Variants in BBS7 observed in about 807,000 individuals in gnomAD.
BBS7 encodes the protein Bardet-Biedl syndrome 7.
A neutral mutation model predicts 90.3 loss-of-function variants in BBS7; 50 were observed. The observed-to-expected ratio is 0.55, with a 90% CI of 0.44 to 0.70. The LOEUF (loss-of-function observed/expected upper bound fraction) is 0.70. BBS7 is among the 30% of genes least tolerant of loss of function. The pLI is 0.00. For missense variants in BBS7, 729 were observed against 838.9 expected, an observed-to-expected ratio of 0.87 and a Z score of 1.62; for synonymous variants, 235 against 287.4, an observed-to-expected ratio of 0.82 and a Z score of 1.85.
chr4:121,837,374 G>A (rs183539571), intron 13 of BBS7, among the ~76,000 whole-genome samples: 164 of 152,056 alleles, frequency 1.1e-3, no homozygotes, highest in African/African-American at 2.7e-3. Flanking sequence ...ACCTATTATC[G>A]GTTAGACAAT....
intron 11 of BBS7, 132 bp downstream of exon 11, chr4:121,845,372 A>AAATAAC: frequency 2.0e-6 from 1 of 494,632 alleles, no homozygotes; most frequent in Non-Finnish European, 3.2e-6. Flanking sequence ...TGTCTCAAAA[A>AAATAAC]AATAAAAATA....
At chr4:121,853,387 C>G (rs1211822245) in intron 7 of BBS7, among the ~76,000 whole-genome samples, 4 of 152,178 alleles carry the variant, frequency 2.6e-5, no homozygotes, top group African/African-American at 9.6e-5. Flanking sequence ...TTTCCATACC[C>G]CAAACAAAAC....
chr4:121,835,024 CTGT>C, intron 14 of BBS7, 117 bp downstream of exon 14: 2 of 973,158 alleles, frequency 2.1e-6, no homozygotes, highest in Non-Finnish European at 3.0e-6. Flanking sequence ...AATATTTAAA[CTGT>C]TTATTTAATT....
chr4:121,833,139 A>G, intron 15 of BBS7, 92 bp downstream of exon 15: 1 of 1,216,672 alleles, frequency 8.2e-7, no homozygotes, highest in Non-Finnish European at 1.2e-6. Flanking sequence ...TTTCAATCAG[A>G]TTACTCACAA....
rs567661848 is a variant in BBS7, at chr4:121,847,142, C to CA, written c.1037+261dup. On this transcript the variant is annotated intron_variant, in intron 10 of 18. Transcript: ENST00000264499. ...CACAAGTGTCTATGACACACACACA[C>CA]AAAAAAGAAAAACACAACCCTTGAC... is the stretch of plus-strand genomic sequence containing the variant. Among the ~76,000 whole-genome samples the CA allele has an allele frequency of 1.5e-3, 233 of 152,082 alleles. 1 individual carries two copies. The highest frequency in any genetic ancestry group is 2.8e-3 in the Non-Finnish European group (190 of 67,972).
At chr4:121,858,620 T>TC in intron 5 of BBS7, 1 of 220,498 alleles carries the variant, frequency 4.5e-6, no homozygotes, top group East Asian at 1.3e-4. Context: ...TATAACATCC[T>TC]CCCTCCAACC....
rs375865529 is a variant in BBS7 at position 121,832,009 on chromosome 4, AACACAC to A, written c.1676+1216_1676+1221del. ...AATAACACAAAGCAAAAAAAACAAAAACACACACACACACACACACACACACACACA... is the reference window on the plus strand; with the variant it reads ...AATAACACAAAGCAAAAAAAACAAAAACACACACACACACACACACACACA... On this transcript the variant is annotated intron_variant, in intron 15 of 18. Transcript: ENST00000264499. 1.3e-3 allele frequency among the ~76,000 whole-genome samples: 187 copies of A among 142,866 alleles called. 2 individuals carry two copies. The South Asian group carries it at 0.026, about 20-fold the overall frequency. The allele number at this position is 142,866 out of a possible 152,430, so 93.7% of individuals were successfully genotyped here. A position where few individuals can be genotyped will look rare whatever the true frequency, so the allele number is the denominator to read the frequency against.
In BBS7 at chr4:121,824,710, T is replaced by C. The variant is rs1242102252; in HGVS notation, c.*1150A>G. The stretch of plus-strand genomic sequence containing the variant: ...TTTCAGAAGTAAAGTTTTTTAAACA[T>C]AGTAAAAACAATATGACCTTATTAA... On this transcript the variant is annotated 3_prime_UTR_variant, in exon 19 of 19. Coordinates refer to ENST00000264499, the MANE Select transcript of BBS7 (RefSeq NM_176824.3). This position sits in a 1 kb window ranked among gnomAD's most constrained non-coding sequence, Gnocchi z 4.1. The C allele has an allele frequency of 2.6e-5, 4 of 152,028 alleles. No homozygotes were observed. In the East Asian group the frequency reaches 7.7e-4, roughly 29 times the overall value. 9.4% of individuals were successfully genotyped at this position (152,028 alleles called of 1,614,324 possible).
At chr4:121,835,120 A>T (rs774888931) in intron 14 of BBS7, 24 bp downstream of exon 14, 1 of 1,612,508 alleles carries the variant, frequency 6.2e-7, no homozygotes, top group South Asian at 1.1e-5. Flanking sequence ...TCCTAAAAAG[A>T]ATTTGCTCTT....
At chr4:121,869,920 G>A (rs1308066284) in intron 1 of BBS7, among the ~76,000 whole-genome samples, 2 of 152,294 alleles carry the variant, frequency 1.3e-5, no homozygotes, top group East Asian at 1.9e-4. Flanking sequence ...TCCGCAAAAG[G>A]GTCCGGGTAG....
rs1724874467 is a variant in BBS7 at position 121,825,727 on chromosome 4, CATT to C, written c.*130_*132del. 4 of 817,054 alleles carry C rather than the reference CATT, an allele frequency of 4.9e-6. No individual in the cohort carries two copies. The highest frequency in any genetic ancestry group is 4.8e-5 in the South Asian group (2 of 41,608). 50.6% of individuals were successfully genotyped at this position (817,054 alleles called of 1,614,324 possible). On this transcript the variant is annotated 3_prime_UTR_variant, in exon 19 of 19. Coordinates refer to ENST00000264499, the MANE Select transcript of BBS7 (RefSeq NM_176824.3). ...AAATAGAAGCATTACTTTAAAAAGC[CATT>C]ATATCTCAAATATTTTTAGATATAA... is the stretch of plus-strand genomic sequence containing the variant.
chr4:121,825,997 T>C lies in BBS7; in HGVS notation c.2015-4A>G, dbSNP rs1363576171. 2 of 1,589,784 alleles carry C rather than the reference T, an allele frequency of 1.3e-6. No homozygotes were observed. The highest frequency in any genetic ancestry group is 2.7e-5 in the African/African-American group (2 of 74,350). On this transcript the variant is annotated splice_polypyrimidine_tract_variant and splice_region_variant and intron_variant, in intron 18 of 18. Coordinates refer to ENST00000264499, the MANE Select transcript of BBS7 (RefSeq NM_176824.3). ...ATGAAAAGATCAGTGATCATGCCTT[T>C]AAAGAAAAAACATAAATTTCCTGTC...
At chr4:121,833,445 G>A (rs1280168260) in intron 14 of BBS7, 50 bp from the exon 15 acceptor site, 1 of 1,520,972 alleles carries the variant, frequency 6.6e-7, no homozygotes, top group African/African-American at 1.4e-5. Flanking sequence ...ATACATGAAA[G>A]TATTATATGT....
intron 5 of BBS7, among the ~76,000 whole-genome samples, chr4:121,856,551 A>G (rs988679861): frequency 6.6e-6 from 1 of 151,902 alleles, no homozygotes; most frequent in African/African-American, 2.4e-5. Flanking sequence ...CGTCTCTACT[A>G]AAAATACAAA....
chr4:121,833,703 TA>T (rs1384195805), intron 14 of BBS7, among the ~76,000 whole-genome samples: 1 of 152,108 alleles, frequency 6.6e-6, no homozygotes, highest in African/African-American at 2.4e-5. Flanking sequence ...TTAAAAAGTT[TA>T]TTTTTTTATT....
At chr4:121,847,009 C>T (rs564611458) in intron 10 of BBS7, among the ~76,000 whole-genome samples, 1 of 152,196 alleles carries the variant, frequency 6.6e-6, no homozygotes, top group Non-Finnish European at 1.5e-5. Flanking sequence ...TACAAGCCAA[C>T]ATTACAGATT....
chr4:121,852,642 C>A (rs1726382064), intron 8 of BBS7, among the ~76,000 whole-genome samples: 1 of 151,718 alleles, frequency 6.6e-6, no homozygotes, highest in Non-Finnish European at 1.5e-5. Context: ...CTTATATTAA[C>A]CAAACATATA....
intron 8 of BBS7, among the ~76,000 whole-genome samples, chr4:121,849,989 T>C (rs192066981): frequency 3.2e-4 from 48 of 152,312 alleles, no homozygotes; most frequent in Non-Finnish European, 5.4e-4. Flanking sequence ...TTAGGAAATC[T>C]GCTATTGTGG....
intron 10 of BBS7, among the ~76,000 whole-genome samples, chr4:121,846,200 T>A (rs1165394596): frequency 6.6e-6 from 1 of 152,222 alleles, no homozygotes; most frequent in African/African-American, 2.4e-5. Context: ...AGGATGATCA[T>A]GAGCCAGTGG....
Sources: allele counts gnomAD v4.1 joint callset (sites outside exome capture counted in the v4.1 genomes callset), GRCh38; gene constraint gnomAD v4.1.1; non-coding constraint Gnocchi (gnomAD v3.1); transcripts MANE v1.5; gene names NCBI Gene and HGNC (gene_info 2026-07-23, HGNC 2026-07-21).